MARCHF1: variants seen among roughly 807,000 people sequenced by gnomAD.
The protein encoded by MARCHF1 is E3 ubiquitin-protein ligase MARCHF1.
Under a neutral mutation model 54.2 loss-of-function variants are expected in MARCHF1, and 40 were observed. The observed-to-expected ratio is 0.74, with a 90% CI of 0.57 to 0.96. The LOEUF (loss-of-function observed/expected upper bound fraction) is 0.96, where lower values mean the gene tolerates loss of function less well. MARCHF1 is among the 40% of genes least tolerant of loss of function. The pLI is 0.00. For synonymous variants in MARCHF1, 236 were observed against 236.3 expected, an observed-to-expected ratio of 1.00 and a Z score of 0.01; for missense variants, 586 against 656.5, an observed-to-expected ratio of 0.89 and a Z score of 1.17.
chr4:164,240,961 G>A (rs528527650), intron 1 of MARCHF1, among the ~76,000 whole-genome samples: 2 of 152,260 alleles, frequency 1.3e-5, no homozygotes, highest in East Asian at 1.9e-4. Flanking sequence ...CTTGCTTACT[G>A]CTCAGGAGTC....
chr4:163,852,558 G>A (rs989503958), intron 4 of MARCHF1, among the ~76,000 whole-genome samples: 4 of 152,096 alleles, frequency 2.6e-5, no homozygotes, highest in African/African-American at 7.2e-5. Context: ...AGAGTGAGAC[G>A]AGATAATGCA....
chr4:164,189,036 C>T (rs1579607497), intron 1 of MARCHF1: 4 of 690,344 alleles, frequency 5.8e-6, no homozygotes, highest in South Asian at 4.9e-5. Context: ...GAGAAGACAT[C>T]CTGTTGTTCC....
intron 2 of MARCHF1, among the ~76,000 whole-genome samples, chr4:164,016,243 G>A (rs1753540795): frequency 6.6e-6 from 1 of 152,114 alleles, no homozygotes; most frequent in Non-Finnish European, 1.5e-5. Flanking sequence ...AGGGAAGCAG[G>A]CACATCTTAC....
At chr4:164,086,377 A>G (rs1560897324) in intron 2 of MARCHF1, among the ~76,000 whole-genome samples, 1 of 151,998 alleles carries the variant, frequency 6.6e-6, no homozygotes, top group African/African-American at 2.4e-5. Context: ...TCAAAAATAT[A>G]AAACCATTTA....
intron 2 of MARCHF1, among the ~76,000 whole-genome samples, chr4:164,013,328 T>G (rs1336802841): frequency 6.6e-6 from 1 of 151,824 alleles, no homozygotes; most frequent in African/African-American, 2.4e-5. Flanking sequence ...CAAAGATAGG[T>G]TATATCAATA....
At chr4:164,318,879 G>A (rs527428555) in intron 1 of MARCHF1, among the ~76,000 whole-genome samples, 8 of 152,270 alleles carry the variant, frequency 5.3e-5, no homozygotes, top group Non-Finnish European at 1.0e-4. Flanking sequence ...TTTGTAATAT[G>A]TTTATATATA....
chr4:163,561,185 A>G (rs969370906), intron 8 of MARCHF1, among the ~76,000 whole-genome samples: 1 of 152,196 alleles, frequency 6.6e-6, no homozygotes, highest in African/African-American at 2.4e-5. Flanking sequence ...ATGATATCAT[A>G]TAGGTCAACT....
chr4:163,831,106 G>C, intron 4 of MARCHF1, among the ~76,000 whole-genome samples: 1 of 152,280 alleles, frequency 6.6e-6, no homozygotes, highest in African/African-American at 2.4e-5. Context: ...AATTTCTTCT[G>C]TCTTTCCTAT....
chr4:163,708,103 CT>C (rs1233766829), intron 4 of MARCHF1, among the ~76,000 whole-genome samples: 1 of 151,580 alleles, frequency 6.6e-6, no homozygotes, highest in Non-Finnish European at 1.5e-5. Context: ...CAATCCCCCC[CT>C]GTAGCAGCAG....
At chr4:164,070,676 G>T (rs1252983858) in intron 2 of MARCHF1, among the ~76,000 whole-genome samples, 2 of 152,096 alleles carry the variant, frequency 1.3e-5, no homozygotes, top group African/African-American at 4.8e-5. Context: ...GATTTTTAAG[G>T]GGTATGAAGT....
intron 9 of MARCHF1, among the ~76,000 whole-genome samples, chr4:163,544,168 T>C (rs185708644): frequency 6.6e-5 from 10 of 152,242 alleles, no homozygotes; most frequent in South Asian, 2.1e-4. Flanking sequence ...AGAGAGGACA[T>C]TGGATTTAAA....
intron 5 of MARCHF1, among the ~76,000 whole-genome samples, chr4:163,638,253 A>AAT (rs1553999925): frequency 1.6e-4 from 24 of 149,058 alleles, no homozygotes; most frequent in African/African-American, 6.1e-4. Flanking sequence ...AAAAAAAAAA[A>AAT]TTAAAAAAAA....
chr4:163,811,121 T>C (rs1748371979), intron 4 of MARCHF1, among the ~76,000 whole-genome samples: 3 of 152,302 alleles, frequency 2.0e-5, no homozygotes, highest in South Asian at 2.1e-4. Context: ...CATCTGTTCA[T>C]ATCTGGAGCT....
chr4:163,816,619 G>A (rs1382639266), intron 4 of MARCHF1, among the ~76,000 whole-genome samples: 1 of 152,012 alleles, frequency 6.6e-6, no homozygotes, highest in Non-Finnish European at 1.5e-5. Flanking sequence ...ATTCTAAGAG[G>A]CATATATTTA....
chr4:164,188,324 T>C (rs28710221), intron 1 of MARCHF1: 20,302 of 386,814 alleles, frequency 0.052, 651 homozygotes, highest in Middle Eastern at 0.12. Context: ...GCTCCTGTGC[T>C]GCGGCCGGTG....
chr4:163,924,932 C>A (rs1751506078), intron 3 of MARCHF1, among the ~76,000 whole-genome samples: 1 of 151,740 alleles, frequency 6.6e-6, no homozygotes, highest in Admixed American at 6.6e-5. Context: ...TATCTTTGAT[C>A]CAGCCCTATG....
At chr4:164,209,561 C>T (rs1041892136) in intron 1 of MARCHF1, among the ~76,000 whole-genome samples, 8 of 151,988 alleles carry the variant, frequency 5.3e-5, no homozygotes, top group African/African-American at 1.9e-4. Context: ...CAGTACAAAG[C>T]AAATACCATG....
chr4:164,174,769 T>C (rs1044173875), intron 1 of MARCHF1, among the ~76,000 whole-genome samples: 1 of 152,224 alleles, frequency 6.6e-6, no homozygotes, highest in Non-Finnish European at 1.5e-5. Flanking sequence ...TAGCTGTGCC[T>C]AATACCTACA....
intron 2 of MARCHF1, among the ~76,000 whole-genome samples, chr4:164,027,151 CCA>C (rs1190842285): frequency 6.6e-6 from 1 of 151,664 alleles, no homozygotes; most frequent in Non-Finnish European, 1.5e-5. Context: ...AAAATGGCCA[CCA>C]CACTGACCAA....
Sources: allele counts gnomAD v4.1 joint callset (sites outside exome capture counted in the v4.1 genomes callset), GRCh38; gene constraint gnomAD v4.1.1; transcripts MANE v1.5; gene names NCBI Gene and HGNC (gene_info 2026-07-23, HGNC 2026-07-21).